NPAS3: variants seen among roughly 807,000 people sequenced by gnomAD.
NPAS3 encodes neuronal PAS domain-containing protein 3.
In NPAS3, 14 loss-of-function variants were observed where a neutral mutation model predicts 73.1. The observed-to-expected ratio is 0.19, with a 90% confidence interval of 0.13 to 0.30. NPAS3 has a LOEUF of 0.30. Ranked by LOEUF, NPAS3 falls within the 10% of genes least tolerant of loss-of-function variation. NPAS3 has a pLI of 1.00. For synonymous variants in NPAS3, 620 were observed against 541.5 expected (o/e 1.14, Z -2.01); for missense variants, 1,096 against 1,250.0 (o/e 0.88, Z 1.86).
chr14:33,210,664 CT>C (rs1396483970), intron 2 of NPAS3, among the ~76,000 whole-genome samples: 1 of 152,100 alleles, frequency 6.6e-6, no homozygotes, highest in African/African-American at 2.4e-5. Flanking sequence ...CACAATCTTC[CT>C]GAGTAATCTG....
In NPAS3 at chr14:33,135,589, C is replaced by A. The variant is rs540365368; in HGVS notation, c.141-79593C>A. Reference sequence around the variant, plus strand: ...GTCAAAAAAGCTGAGCAGCTTTTTGCAATTCTGATTATGAAAAGCAATTGT... The same window carrying A: ...GTCAAAAAAGCTGAGCAGCTTTTTGAAATTCTGATTATGAAAAGCAATTGT... On this transcript the variant is annotated intron_variant, in intron 2 of 11. Coordinates refer to ENST00000356141, the Ensembl canonical transcript of NPAS3. Among the ~76,000 whole-genome samples, 21 of 151,992 alleles carry A rather than the reference C, an allele frequency of 1.4e-4. No homozygotes were observed. The South Asian group carries it at 3.9e-3, about 29-fold the overall frequency.
At chr14:33,552,074 C>T (rs950085984) in intron 4 of NPAS3, among the ~76,000 whole-genome samples, 2 of 152,214 alleles carry the variant, frequency 1.3e-5, no homozygotes, top group African/African-American at 2.4e-5. Context: ...GGAACCTTGT[C>T]TCACTCCCCT....
At chr14:33,165,158 G>A (rs1390544387) in intron 2 of NPAS3, among the ~76,000 whole-genome samples, 1 of 152,080 alleles carries the variant, frequency 6.6e-6, no homozygotes, top group East Asian at 1.9e-4. Context: ...CCAGGCATTG[G>A]ACTCGGCCTG....
At chr14:33,128,129 G>T (rs1595506772) in intron 2 of NPAS3, among the ~76,000 whole-genome samples, 1 of 152,196 alleles carries the variant, frequency 6.6e-6, no homozygotes, top group East Asian at 1.9e-4. Context: ...ATGCAAAAAA[G>T]CTGTAAAAAT....
intron 4 of NPAS3, among the ~76,000 whole-genome samples, chr14:33,504,024 A>G (rs546431247): frequency 3.9e-5 from 6 of 152,126 alleles, no homozygotes; most frequent in Non-Finnish European, 7.4e-5. Context: ...AAAAATTAGT[A>G]TCAGTGCAAA....
intron 2 of NPAS3, among the ~76,000 whole-genome samples, chr14:33,114,251 G>T (rs939787417): frequency 6.6e-6 from 1 of 152,060 alleles, no homozygotes; most frequent in Admixed American, 6.6e-5. Context: ...GGCCAGGTTG[G>T]TGTCAAACTC....
At chr14:33,741,588 C>T (rs188963235) in intron 7 of NPAS3, among the ~76,000 whole-genome samples, 12 of 152,254 alleles carry the variant, frequency 7.9e-5, no homozygotes, top group East Asian at 7.7e-4. Flanking sequence ...TAAATACAGC[C>T]GGCATTGTTT....
intron 3 of NPAS3, among the ~76,000 whole-genome samples, chr14:33,274,968 C>T (rs972718206): frequency 2.0e-5 from 3 of 152,196 alleles, no homozygotes; most frequent in Non-Finnish European, 4.4e-5. Context: ...ACGATAGTGG[C>T]AGTGCCTATG....
chr14:33,298,270 G>A (rs539613268), intron 3 of NPAS3, among the ~76,000 whole-genome samples: 1 of 152,176 alleles, frequency 6.6e-6, no homozygotes, highest in Non-Finnish European at 1.5e-5. Context: ...ATGACAGAGG[G>A]AGCCTCCATC....
chr14:33,040,571 G>GC (rs928485547), intron 1 of NPAS3, among the ~76,000 whole-genome samples: 11 of 151,714 alleles, frequency 7.3e-5, no homozygotes, highest in African/African-American at 1.9e-4. Context: ...TTTAATACCC[G>GC]CCCCCCACAG....
At chr14:33,723,366 C>A (rs2140559147) in intron 6 of NPAS3, among the ~76,000 whole-genome samples, 1 of 152,254 alleles carries the variant, frequency 6.6e-6, no homozygotes, top group Admixed American at 6.5e-5. Context: ...ATTCCCCATT[C>A]AATTTGGAAT....
At chr14:33,513,187 GT>G (rs1246433769) in intron 4 of NPAS3, among the ~76,000 whole-genome samples, 1 of 152,026 alleles carries the variant, frequency 6.6e-6, no homozygotes, top group Non-Finnish European at 1.5e-5. Flanking sequence ...TTTTTGTCAT[GT>G]GGTTTAACAT....
At chr14:33,725,170 G>A (rs1250824362) in intron 6 of NPAS3, among the ~76,000 whole-genome samples, 3 of 152,022 alleles carry the variant, frequency 2.0e-5, no homozygotes, top group African/African-American at 4.8e-5. Flanking sequence ...TGTAAATGAC[G>A]AGTTAATGGG....
chr14:33,120,489 A>T (rs1437998617), intron 2 of NPAS3, among the ~76,000 whole-genome samples: 1 of 152,132 alleles, frequency 6.6e-6, no homozygotes, highest in Non-Finnish European at 1.5e-5. Flanking sequence ...GTGGTATTAG[A>T]CAACAAACAT....
intron 4 of NPAS3, among the ~76,000 whole-genome samples, chr14:33,525,037 A>G (rs555622751): frequency 2.0e-5 from 3 of 152,328 alleles, no homozygotes; most frequent in Non-Finnish European, 2.9e-5. Context: ...AGAGAACACA[A>G]TTCAACCCAT....
intron 2 of NPAS3, among the ~76,000 whole-genome samples, chr14:33,203,819 A>G (rs1293823900): frequency 6.6e-6 from 1 of 152,146 alleles, no homozygotes; most frequent in Admixed American, 6.5e-5. Flanking sequence ...ATGATTTATA[A>G]TCCTTTGGGT....
chr14:33,452,260 A>G (rs894794152), intron 4 of NPAS3, among the ~76,000 whole-genome samples: 2 of 152,238 alleles, frequency 1.3e-5, no homozygotes, highest in Admixed American at 6.5e-5. Flanking sequence ...TTGAACCTAC[A>G]TGCTTAAAGT....
At chr14:33,525,922 A>T (rs1178599366) in intron 4 of NPAS3, among the ~76,000 whole-genome samples, 3 of 152,170 alleles carry the variant, frequency 2.0e-5, no homozygotes, top group Admixed American at 2.0e-4. Flanking sequence ...AAATGGGGAA[A>T]TAAACCATGA....
chr14:33,338,392 T>C lies in NPAS3; in HGVS notation c.386-28794T>C, dbSNP rs377708344. 2.6e-4 allele frequency among the ~76,000 whole-genome samples: 40 copies of C among 152,296 alleles called. 1 individual carries two copies. Among genetic ancestry groups the C allele is most frequent in the African/African-American group, 5.1e-4 (21 of 41,580 alleles). ...AGTGGTTCCAAATCCATAGAGATCG[T>C]TGTTGCTTTGTGTCTGTAATGTTAC... is the stretch of plus-strand genomic sequence containing the variant. On this transcript the variant is annotated intron_variant, in intron 3 of 11. Transcript: ENST00000356141.
Sources: gnomAD v4.1 joint callset for allele counts (sites outside exome capture counted in the v4.1 genomes callset) on GRCh38, gnomAD v4.1.1 for gene constraint, MANE v1.5 for transcripts, NCBI Gene and HGNC (gene_info 2026-07-23, HGNC 2026-07-21) for gene names.